MME: variants seen among roughly 807,000 people sequenced by gnomAD.
The protein encoded by MME is membrane metalloendopeptidase, also known as neprilysin.
In MME, 98 loss-of-function variants were observed where a neutral mutation model predicts 113.2. That is an observed-to-expected ratio of 0.87 (90% CI 0.74 to 1.02). The LOEUF (loss-of-function observed/expected upper bound fraction) is 1.02, where lower values mean the gene tolerates loss of function less well. Ranked by LOEUF, MME falls within the 50% of genes least tolerant of loss-of-function variation. MME has a pLI of 0.00. For synonymous variants in MME, 292 were observed against 300.6 expected, an observed-to-expected ratio of 0.97 and a Z score of 0.30; for missense variants, 836 against 896.0, an observed-to-expected ratio of 0.93 and a Z score of 0.86.
intron 3 of MME, among the ~76,000 whole-genome samples, chr3:155,101,168 C>A (rs538312519): frequency 6.6e-6 from 1 of 152,274 alleles, no homozygotes; most frequent in African/African-American, 2.4e-5. Flanking sequence ...CTCCCTGAGG[C>A]CTCCCAAAAA....
chr3:155,109,231 A>T (rs1266849150), intron 3 of MME, among the ~76,000 whole-genome samples: 1 of 152,030 alleles, frequency 6.6e-6, no homozygotes, highest in Non-Finnish European at 1.5e-5. Flanking sequence ...AATTCAAGAG[A>T]CCTGTTTACC....
chr3:155,111,144 C>T (rs563970675), intron 3 of MME, among the ~76,000 whole-genome samples: 183 of 152,278 alleles, frequency 1.2e-3, no homozygotes, highest in Middle Eastern at 3.4e-3. Flanking sequence ...CTGTTTCCTA[C>T]GGCCTTCTAC....
chr3:155,089,747 G>A, intron 3 of MME: 1 of 362,092 alleles, frequency 2.8e-6, no homozygotes, highest in South Asian at 2.0e-5. Flanking sequence ...GGAGGCCAAG[G>A]CGGGTGGATC....
At chr3:155,048,532 AT>A (rs908782188) in intron 1 of MME, among the ~76,000 whole-genome samples, 13 of 151,976 alleles carry the variant, frequency 8.6e-5, no homozygotes, top group African/African-American at 2.9e-4. Flanking sequence ...CAAATCTTGA[AT>A]TTTTTTTATT....
At chr3:155,033,300 G>T (rs1029771057) in intron 1 of MME, among the ~76,000 whole-genome samples, 1 of 152,254 alleles carries the variant, frequency 6.6e-6, no homozygotes, top group Middle Eastern at 3.4e-3. Context: ...CTGTGAACAT[G>T]ATAAGAAGAA....
intron 3 of MME, among the ~76,000 whole-genome samples, chr3:155,105,730 A>G (rs1717629422): frequency 6.6e-6 from 1 of 152,214 alleles, no homozygotes; most frequent in South Asian, 2.1e-4. Flanking sequence ...GGACACAAAT[A>G]TAGTTACCAT....
At chr3:155,088,861 T>C (rs1328716906) in intron 3 of MME, among the ~76,000 whole-genome samples, 2 of 152,170 alleles carry the variant, frequency 1.3e-5, no homozygotes, top group African/African-American at 2.4e-5. Flanking sequence ...TTACATTATA[T>C]GAAAGATGGC....
At chr3:155,027,556 A>G (rs1271329342) in intron 1 of MME, among the ~76,000 whole-genome samples, 1 of 152,188 alleles carries the variant, frequency 6.6e-6, no homozygotes, top group African/African-American at 2.4e-5. Context: ...GCTTTATCTG[A>G]GTGCTCTTCC....
chr3:155,168,919 T>C (rs933669537), intron 20 of MME, 122 bp downstream of exon 20: 10 of 797,234 alleles, frequency 1.3e-5, no homozygotes, highest in Non-Finnish European at 2.0e-5. Flanking sequence ...GAATAGAAAA[T>C]GGAAAAAAAT....
intron 1 of MME, among the ~76,000 whole-genome samples, chr3:155,067,300 CTTTTTTTTTT>C (rs576443367): frequency 2.2e-5 from 2 of 92,076 alleles, no homozygotes; most frequent in East Asian, 2.8e-4. Context: ...ATTTATTTTC[CTTTTTTTTTT>C]TTTTTTTTTT....
intron 3 of MME, among the ~76,000 whole-genome samples, chr3:155,109,042 T>C (rs1394541629): frequency 6.6e-6 from 1 of 152,190 alleles, no homozygotes; most frequent in Non-Finnish European, 1.5e-5. Context: ...AATGGAATGC[T>C]GTGCCTCAAG....
Position 155,172,207 on chromosome 3 carries a change from G to T in MME, c.2071G>T (p.Ala691Ser). Residue 691 changes from alanine to serine, a missense_variant, in exon 21 of 23, where the codon GCA becomes TCA. Coordinates refer to ENST00000360490, the MANE Select transcript of MME (RefSeq NM_007289.4). ...NHKQLFFLNFAQVWCGTYRPE... is the reference protein window; with the variant it reads ...NHKQLFFLNFSQVWCGTYRPE... ...CAAACAACTATTTTTCTTGAACTTT[G>T]CACAGGTATTGTGTCTTTCTTGATT... 6.3e-7 allele frequency: 1 copy of T among 1,598,894 alleles called. No homozygotes were observed. The highest frequency in any genetic ancestry group is 1.3e-5 in the African/African-American group (1 of 74,612).
At chr3:155,114,851 C>G (rs543530979) in intron 3 of MME, 143 bp from the exon 4 acceptor site, 1 of 768,662 alleles carries the variant, frequency 1.3e-6, no homozygotes, top group East Asian at 2.6e-5. Flanking sequence ...TTCCTCATCC[C>G]CCTGAATTGA....
At chr3:155,050,495 AT>A (rs1713724498) in intron 1 of MME, among the ~76,000 whole-genome samples, 2 of 152,094 alleles carry the variant, frequency 1.3e-5, no homozygotes, top group South Asian at 4.1e-4. Context: ...CCAGTATGTT[AT>A]TTTTTGACTT....
intron 1 of MME, among the ~76,000 whole-genome samples, chr3:155,033,255 T>C (rs913227761): frequency 2.6e-5 from 4 of 152,086 alleles, no homozygotes; most frequent in African/African-American, 9.7e-5. Flanking sequence ...AAATTTAGAG[T>C]GTCCTGAAAT....
At chr3:155,156,846 T>TGTG (rs1722355395) in intron 16 of MME, among the ~76,000 whole-genome samples, 2 of 152,004 alleles carry the variant, frequency 1.3e-5, no homozygotes. Context: ...CACTAACAAT[T>TGTG]TTGTTGTTTT....
At chr3:155,031,954 C>T (rs141530168) in intron 1 of MME, among the ~76,000 whole-genome samples, 4 of 152,316 alleles carry the variant, frequency 2.6e-5, no homozygotes, top group East Asian at 1.9e-4. Flanking sequence ...CCATCGCACC[C>T]GGCCACCAGC....
chr3:155,168,667 A>G (rs1239770071), intron 19 of MME, 42 bp downstream of exon 19: 2 of 1,613,208 alleles, frequency 1.2e-6, no homozygotes, highest in African/African-American at 1.3e-5. Context: ...AGACATGTTC[A>G]ATCTTAAGTG....
intron 1 of MME, among the ~76,000 whole-genome samples, chr3:155,060,858 AGT>A (rs1553751130): frequency 3.3e-5 from 5 of 150,498 alleles, no homozygotes; most frequent in Non-Finnish European, 5.9e-5. Context: ...AGAGAGAGAG[AGT>A]GAGAGAGAGA....
Sources: gnomAD v4.1 joint callset for allele counts (sites outside exome capture counted in the v4.1 genomes callset) on GRCh38, gnomAD v4.1.1 for gene constraint, MANE v1.5 for transcripts, NCBI Gene and HGNC (gene_info 2026-07-23, HGNC 2026-07-21) for gene names.